The following MYO9B variants were observed in gnomAD, a reference collection of about 807,000 sequenced individuals.
MYO9B encodes the protein unconventional myosin-IXb.
In MYO9B, 71 loss-of-function variants were observed where a neutral mutation model predicts 229.5. That is an observed-to-expected ratio of 0.31 (90% CI 0.26 to 0.38). The LOEUF (loss-of-function observed/expected upper bound fraction) is 0.38. Ranked by LOEUF, MYO9B falls within the 10% of genes least tolerant of loss-of-function variation. The pLI is 1.00. For synonymous variants in MYO9B, 1,185 were observed against 1,235.8 expected (o/e 0.96, Z 0.86); for missense variants, 2,255 against 2,920.5 (o/e 0.77, Z 5.25).
intron 22 of MYO9B, among the ~76,000 whole-genome samples, chr19:17,197,327 G>A (rs563713856): frequency 2.8e-4 from 42 of 151,932 alleles, no homozygotes; most frequent in African/African-American, 9.4e-4. Context: ...ATGGATGGAA[G>A]GCAGATAAAG....
In MYO9B at chr19:17,112,353, CAGGTACAGCA is replaced by C. The variant is rs577193382; in HGVS notation, c.840+9797_840+9806del. Among the ~76,000 whole-genome samples, 389 of 152,276 alleles carry C rather than the reference CAGGTACAGCA, an allele frequency of 2.6e-3. 1 individual carries two copies. Among genetic ancestry groups the C allele is most frequent in the Middle Eastern group, 0.01 (3 of 294 alleles). ...CGTGCCCAGGTATAGCAGGGACGTC[CAGGTACAGCA>C]GGGACATCCATCTGCACGTTCTTCC... is the stretch of plus-strand genomic sequence containing the variant. On this transcript the variant is annotated intron_variant, in intron 2 of 39. Transcript: ENST00000682292.
intron 2 of MYO9B, 67 bp downstream of exon 2, chr19:17,102,624 A>C (rs147952566): frequency 2.0e-6 from 3 of 1,469,436 alleles, no homozygotes; most frequent in Non-Finnish European, 2.7e-6. Context: ...TTTCAGGCCA[A>C]GCTCGGTGGC....
intron 1 of MYO9B, among the ~76,000 whole-genome samples, chr19:17,098,347 G>A (rs905317430): frequency 1.3e-5 from 2 of 152,128 alleles, no homozygotes; most frequent in Non-Finnish European, 2.9e-5. Flanking sequence ...GAGCGACCGC[G>A]CCTGGTCTTA....
At chr19:17,081,259 A>C (rs987147459) in intron 1 of MYO9B, among the ~76,000 whole-genome samples, 2 of 152,074 alleles carry the variant, frequency 1.3e-5, no homozygotes, top group Admixed American at 6.6e-5. Flanking sequence ...AACTCCTGAC[A>C]TCAGGTGATC....
At position 17,199,700 on chromosome 19, in the gene MYO9B, C is replaced by T. The variant is rs11086058; in HGVS notation, c.4239-593C>T. ...AGCTAATTTTTTTTTCTTTTTTTTTCTTTTTTTTTTTTTTTGTATTTTTGG... is the reference window on the plus strand; with the variant it reads ...AGCTAATTTTTTTTTCTTTTTTTTTTTTTTTTTTTTTTTTTGTATTTTTGG... On this transcript the variant is annotated intron_variant, in intron 24 of 39. Coordinates refer to ENST00000682292, the MANE Select transcript of MYO9B (RefSeq NM_004145.4). Among the ~76,000 whole-genome samples the T allele has an allele frequency of 6.3e-3, 432 of 68,784 alleles. 3 individuals are homozygous for T. Among genetic ancestry groups the T allele is most frequent in the Admixed American group, 0.043 (213 of 5,008 alleles). 45.1% of individuals were successfully genotyped at this position (68,784 alleles called of 152,430 possible). A position where few individuals can be genotyped will look rare whatever the true frequency, so the allele number is the denominator to read the frequency against.
At chr19:17,078,490 A>G (rs1475434619) in intron 1 of MYO9B, among the ~76,000 whole-genome samples, 1 of 152,182 alleles carries the variant, frequency 6.6e-6, no homozygotes, top group Non-Finnish European at 1.5e-5. Flanking sequence ...CAGCCAGCCA[A>G]GATTGCGCCA....
chr19:17,117,813 C>T (rs2057919991), intron 2 of MYO9B, among the ~76,000 whole-genome samples: 2 of 151,754 alleles, frequency 1.3e-5, no homozygotes, highest in African/African-American at 4.8e-5. Context: ...TGGCAGGCGC[C>T]TGTAATCCCA....
intron 2 of MYO9B, among the ~76,000 whole-genome samples, chr19:17,140,731 G>A (rs1355235960): frequency 1.3e-5 from 2 of 150,996 alleles, no homozygotes; most frequent in Admixed American, 6.6e-5. Context: ...CAGGTGATCC[G>A]CCTGCCTCGG....
At chr19:17,078,463 C>A in intron 1 of MYO9B, among the ~76,000 whole-genome samples, 1 of 152,204 alleles carries the variant, frequency 6.6e-6, no homozygotes. Flanking sequence ...TTGCTTGAAC[C>A]CAGGAGGCGG....
intron 38 of MYO9B, among the ~76,000 whole-genome samples, 168 bp downstream of exon 38, chr19:17,211,016 GCT>G: frequency 8.2e-6 from 1 of 122,310 alleles, no homozygotes; most frequent in African/African-American, 3.3e-5. Context: ...ACGGCGTCTC[GCT>G]CTGTCGCCCA....
intron 1 of MYO9B, among the ~76,000 whole-genome samples, chr19:17,098,048 C>T (rs1008800991): frequency 7.8e-4 from 10 of 12,888 alleles, no homozygotes; most frequent in African/African-American, 2.3e-3. Context: ...CTTCAGAACC[C>T]CCCCCCCCCA....
In MYO9B at chr19:17,197,805, T is replaced by C; in HGVS notation, c.4060T>C (p.Ser1354Pro). The C allele has an allele frequency of 6.8e-6, 11 of 1,613,712 alleles. No individual in the cohort carries two copies. The highest frequency in any genetic ancestry group is 8.5e-6 in the Non-Finnish European group (10 of 1,179,850). ...ALTPTEERRT[S>P]FSTSDVSKLL... ...GTGATCTCGCAGGGAGAGGCGCACC[T>C]CCTTCTCCACGAGCGACGTCTCCAA... is the stretch of plus-strand genomic sequence containing the variant. Residue 1354 changes from serine (S) to proline (P), a missense_variant, in exon 23 of 40, where the codon TCC becomes CCC. Transcript: ENST00000682292.
At chr19:17,076,184 C>G (rs1309325105) in intron 1 of MYO9B, among the ~76,000 whole-genome samples, 3 of 148,366 alleles carry the variant, frequency 2.0e-5, no homozygotes, top group Admixed American at 6.7e-5. Flanking sequence ...CAGGAAACGG[C>G]GTTGTGGGGA....
At chr19:17,145,749 T>C (rs1216590824) in intron 3 of MYO9B, among the ~76,000 whole-genome samples, 1 of 152,018 alleles carries the variant, frequency 6.6e-6, no homozygotes, top group African/African-American at 2.4e-5. Flanking sequence ...GCCCAGCCCA[T>C]TTCCTGTCTT....
chr19:17,190,393 C>T (rs2072969710), intron 19 of MYO9B, among the ~76,000 whole-genome samples: 1 of 147,200 alleles, frequency 6.8e-6, no homozygotes, highest in African/African-American at 2.5e-5. Flanking sequence ...CCATGTTGGC[C>T]AGGCTGGTCT....
At chr19:17,145,910 G>A (rs373131356) in intron 3 of MYO9B, among the ~76,000 whole-genome samples, 1 of 152,194 alleles carries the variant, frequency 6.6e-6, no homozygotes, top group African/African-American at 2.4e-5. Flanking sequence ...ACTGAAGGGT[G>A]GGTGGGTGGA....
At chr19:17,105,409 C>T (rs1025855945) in intron 2 of MYO9B, among the ~76,000 whole-genome samples, 5 of 151,234 alleles carry the variant, frequency 3.3e-5, no homozygotes, top group African/African-American at 4.9e-5. Flanking sequence ...GCAGGAGAAT[C>T]GCTTGAGCCC....
intron 18 of MYO9B, among the ~76,000 whole-genome samples, chr19:17,186,721 CTTTGTTTGTTTTTG>C (rs990324029): frequency 6.6e-5 from 10 of 152,040 alleles, no homozygotes; most frequent in African/African-American, 1.9e-4. Flanking sequence ...TCCCGTTTGC[CTTTGTTTGTTTTTG>C]TTTGTTTGTT....
intron 14 of MYO9B, among the ~76,000 whole-genome samples, chr19:17,179,420 A>ATTTTTTT (rs747998068): frequency 9.2e-5 from 8 of 86,692 alleles, no homozygotes; most frequent in African/African-American, 4.3e-4. Context: ...GCCCCAACTG[A>ATTTTTTT]TTTTTTTTTT....
Sources: allele counts gnomAD v4.1 joint callset (sites outside exome capture counted in the v4.1 genomes callset), GRCh38; gene constraint gnomAD v4.1.1; transcripts MANE v1.5; gene names NCBI Gene and HGNC (gene_info 2026-07-23, HGNC 2026-07-21).